The following CLPB variants were observed in gnomAD, a reference collection of about 807,000 sequenced individuals.
CLPB encodes ClpB family mitochondrial disaggregase.
Under a neutral mutation model 78.4 loss-of-function variants are expected in CLPB, and 40 were observed. The observed-to-expected ratio is 0.51, with a 90% CI of 0.40 to 0.66. CLPB has a LOEUF of 0.66. Among genes scored for constraint, CLPB ranks in the 30% least tolerant of loss-of-function variants. The probability of loss-of-function intolerance (pLI) is 0.00; values close to 1 mark genes in which losing one functional copy is unlikely to be tolerated. For synonymous variants in CLPB, 333 were observed against 348.0 expected (o/e 0.96, Z 0.48); for missense variants, 780 against 886.9 (o/e 0.88, Z 1.53).
At position 72,289,689 on chromosome 11, in the gene CLPB, G is replaced by A. The variant is rs1437806125; in HGVS notation, c.*3678C>T. The A allele has an allele frequency of 6.6e-6, 1 of 152,118 alleles. No individual in the cohort carries two copies. The highest frequency in any genetic ancestry group is 6.5e-5 in the Admixed American group (1 of 15,274). 9.4% of individuals were successfully genotyped at this position (152,118 alleles called of 1,614,324 possible). ...GAACTCAAGCGATCCTCCTGCCTCA[G>A]CCTCCTACGTAGCTAGGATTACAGG... On this transcript the variant is annotated 3_prime_UTR_variant, in exon 16 of 16. Transcript: ENST00000538039.
Position 72,287,835 on chromosome 11 carries a change from A to G in CLPB, c.*5532T>C, listed in dbSNP as rs752775231. The stretch of plus-strand genomic sequence containing the variant: ...TCTTCTTCTCAATTCCTCAATATAT[A>G]TGGTTATGTCTAATTTCTCATGCCT... On this transcript the variant is annotated 3_prime_UTR_variant, in exon 16 of 16. Coordinates refer to ENST00000538039, the MANE Select transcript of CLPB (RefSeq NM_001258392.3). 3 of 152,018 alleles carry G rather than the reference A, an allele frequency of 2.0e-5. No individual in the cohort carries two copies. Among genetic ancestry groups the G allele is most frequent in the South Asian group, 2.1e-4 (1 of 4,824 alleles). 9.4% of individuals were successfully genotyped at this position (152,018 alleles called of 1,614,324 possible).
intron 2 of CLPB, among the ~76,000 whole-genome samples, chr11:72,407,014 T>C (rs895313766): frequency 6.6e-6 from 1 of 152,248 alleles, no homozygotes; most frequent in African/African-American, 2.4e-5. Context: ...TGTTTTTAAC[T>C]GTTGCATAAC....
At chr11:72,347,272 C>T (rs1950533553) in intron 5 of CLPB, among the ~76,000 whole-genome samples, 1 of 152,120 alleles carries the variant, frequency 6.6e-6, no homozygotes, top group Non-Finnish European at 1.5e-5. Context: ...GCCTGGGCAA[C>T]ACAGCAAGAC....
At chr11:72,326,780 C>G (rs1255476580) in intron 6 of CLPB, among the ~76,000 whole-genome samples, 3 of 152,110 alleles carry the variant, frequency 2.0e-5, no homozygotes, top group Non-Finnish European at 4.4e-5. Context: ...GGAGAAGAAA[C>G]CAGGTCTAAA....
At chr11:72,316,069 G>C (rs1949935798) in intron 7 of CLPB, among the ~76,000 whole-genome samples, 1 of 152,192 alleles carries the variant, frequency 6.6e-6, no homozygotes, top group African/African-American at 2.4e-5. Context: ...GGGCTTCTCA[G>C]CAAGGTGGAT....
chr11:72,301,515 T>C (rs952597639), intron 11 of CLPB, among the ~76,000 whole-genome samples: 3 of 152,128 alleles, frequency 2.0e-5, no homozygotes, highest in Non-Finnish European at 4.4e-5. Flanking sequence ...GAACTAAAAA[T>C]TCATGTCTCG....
At chr11:72,356,156 C>T (rs1399254212) in intron 5 of CLPB, among the ~76,000 whole-genome samples, 2 of 152,140 alleles carry the variant, frequency 1.3e-5, no homozygotes, top group East Asian at 1.9e-4. Context: ...TGGTGGCACA[C>T]GCCTGTGATC....
At chr11:72,346,221 A>G (rs558618529) in intron 5 of CLPB, among the ~76,000 whole-genome samples, 20 of 152,320 alleles carry the variant, frequency 1.3e-4, no homozygotes, top group Admixed American at 1.0e-3. Flanking sequence ...CAGGAGTTTG[A>G]GAGCAGCCTG....
intron 5 of CLPB, among the ~76,000 whole-genome samples, chr11:72,342,384 AG>A (rs1283509606): frequency 3.3e-5 from 5 of 152,242 alleles, no homozygotes; most frequent in African/African-American, 1.2e-4. Context: ...GCTAACGTAG[AG>A]GTTTTCTAAC....
intron 2 of CLPB, among the ~76,000 whole-genome samples, chr11:72,421,842 C>T (rs1188725911): frequency 2.0e-5 from 3 of 152,232 alleles, no homozygotes; most frequent in Non-Finnish European, 4.4e-5. Context: ...CAGCAAGCCA[C>T]ATACCCCAGA....
intron 5 of CLPB, among the ~76,000 whole-genome samples, chr11:72,344,155 G>A (rs1950469796): frequency 6.6e-6 from 1 of 152,112 alleles, no homozygotes; most frequent in South Asian, 2.1e-4. Context: ...CTCCATGGGT[G>A]CAGTAATCTA....
At chr11:72,346,650 T>C (rs1455128683) in intron 5 of CLPB, among the ~76,000 whole-genome samples, 1 of 150,690 alleles carries the variant, frequency 6.6e-6, no homozygotes, top group East Asian at 1.9e-4. Flanking sequence ...AGCCCCAACA[T>C]AACTAAGCCT....
At chr11:72,403,232 G>A (rs144637510) in intron 2 of CLPB, among the ~76,000 whole-genome samples, 180 bp from the exon 3 acceptor site, 30 of 152,334 alleles carry the variant, frequency 2.0e-4, no homozygotes, top group Middle Eastern at 3.4e-3. Context: ...TCAGGAAATA[G>A]AGGCCTTTGA....
rs990637846 is a variant in CLPB, at chr11:72,312,742, T to A, written c.989-4138A>T. On this transcript the variant is annotated intron_variant, in intron 7 of 15. Coordinates refer to ENST00000538039, the MANE Select transcript of CLPB (RefSeq NM_001258392.3). The surrounding 1 kb of genome is among the most constrained non-coding windows in gnomAD (Gnocchi z 4.2). ...CTAAATCCTTCTCCAGGAAGCCTTA[T>A]GTATTTGTTTAGCAAAAAAGCTCTG... 1.3e-5 allele frequency among the ~76,000 whole-genome samples: 2 copies of A among 152,158 alleles called. No individual in the cohort carries two copies. The highest frequency in any genetic ancestry group is 2.9e-5 in the Non-Finnish European group (2 of 68,020).
intron 2 of CLPB, among the ~76,000 whole-genome samples, chr11:72,407,608 G>T (rs1189125320): frequency 1.3e-5 from 2 of 151,986 alleles, no homozygotes; most frequent in Non-Finnish European, 2.9e-5. Context: ...ATACAGGAGA[G>T]TCAGGAGACC....
In CLPB at chr11:72,287,903, T is replaced by G. The variant is rs756309677; in HGVS notation, c.*5464A>C. 1 of 152,100 alleles carries G rather than the reference T, an allele frequency of 6.6e-6. No individual in the cohort carries two copies. The highest frequency in any genetic ancestry group is 2.4e-5 in the African/African-American group (1 of 41,356). 9.4% of individuals were successfully genotyped at this position (152,100 alleles called of 1,614,324 possible). On this transcript the variant is annotated 3_prime_UTR_variant, in exon 16 of 16. Coordinates refer to ENST00000538039, the MANE Select transcript of CLPB (RefSeq NM_001258392.3). The stretch of plus-strand genomic sequence containing the variant: ...TGGCTCCTTTCCCCTTTTATCAGGC[T>G]CAGGAGGTTTTATCTATTTTATTGG...
Position 72,301,974 on chromosome 11 carries a change from G to C in CLPB, c.1168-10C>G, listed in dbSNP as rs763678926. ...CAATAAACTTGGCCACCTGGTAGAA[G>C]GAAGGAAACATGCTAGGAAGGCCTT... On this transcript the variant is annotated splice_polypyrimidine_tract_variant and intron_variant, in intron 10 of 15. Coordinates refer to ENST00000538039, the MANE Select transcript of CLPB (RefSeq NM_001258392.3). The C allele has an allele frequency of 1.2e-6, 2 of 1,613,150 alleles. No individual in the cohort carries two copies. The highest frequency in any genetic ancestry group is 1.7e-6 in the Non-Finnish European group (2 of 1,179,520).
At position 72,294,026 on chromosome 11, in the gene CLPB, T is replaced by C. The variant is rs1565418087; in HGVS notation, c.1781A>G (p.His594Arg). 2 of 1,613,616 alleles carry C rather than the reference T, an allele frequency of 1.2e-6. No individual in the cohort carries two copies. The highest frequency in any genetic ancestry group is 1.7e-6 in the Non-Finnish European group (2 of 1,179,716). ...NVHYGARSIK[H>R]EVERRVVNQL... Reference sequence around the variant, plus strand: ...TTCTCAGGCTCCTGTGCTCACCTCATGTTTGATGGAGCGGGCGCCATAGTG... The same window carrying C: ...TTCTCAGGCTCCTGTGCTCACCTCACGTTTGATGGAGCGGGCGCCATAGTG... The change falls in exon 15 of 16, where the codon CAT becomes CGT. Residue 594 changes from histidine (H) to arginine (R), a missense_variant. His to Arg is a conservative substitution (Grantham distance 29, BLOSUM62 0). Transcript: ENST00000538039.
At chr11:72,381,891 CA>C (rs1226087848) in intron 3 of CLPB, among the ~76,000 whole-genome samples, 2 of 152,146 alleles carry the variant, frequency 1.3e-5, no homozygotes. Context: ...CCTGCTCTAG[CA>C]ACCCCCAGGC....
Sources: gnomAD v4.1 joint callset for allele counts (sites outside exome capture counted in the v4.1 genomes callset) on GRCh38, gnomAD v4.1.1 for gene constraint, Gnocchi (gnomAD v3.1) non-coding constraint, MANE v1.5 for transcripts, NCBI Gene and HGNC (gene_info 2026-07-23, HGNC 2026-07-21) for gene names.